The following MYO1E variants were observed in gnomAD, a reference collection of about 807,000 sequenced individuals.
MYO1E encodes the protein myosin IE.
MYO1E carries 68 observed loss-of-function variants against 151.1 expected under a neutral mutation model. That is an observed-to-expected ratio of 0.45 (90% confidence interval 0.37 to 0.55). The LOEUF (loss-of-function observed/expected upper bound fraction) is 0.55. MYO1E is among the 20% of genes least tolerant of loss of function. The pLI is 0.00. For synonymous variants in MYO1E, 601 were observed against 501.7 expected (o/e 1.20, Z -2.64); for missense variants, 1,363 against 1,389.3 (o/e 0.98, Z 0.30).
intron 26 of MYO1E, among the ~76,000 whole-genome samples, chr15:59,151,062 CACGT>C (rs1163965407): frequency 6.8e-4 from 95 of 140,720 alleles, no homozygotes; most frequent in African/African-American, 1.3e-3. Flanking sequence ...CGCGCGCGCG[CACGT>C]GCACTTAGAG....
At position 59,224,707 on chromosome 15, in the gene MYO1E, C is replaced by T. The variant is rs1262370396; in HGVS notation, c.759G>A (p.Arg253=). ...CACTTACCAGAGTTTCCTGAAACTC[C>T]CGCCTGTCGTCAATGTCATCAACCT... ...SYKVDDIDDR[R]EFQETLHAMN... is the part of the protein sequence containing the mutation. The change falls in exon 8 of 28, where the codon CGG becomes CGA. Residue 253 remains arginine (R), a synonymous_variant. Coordinates refer to ENST00000288235, the MANE Select transcript of MYO1E (RefSeq NM_004998.4). The T allele has an allele frequency of 4.3e-6, 7 of 1,613,300 alleles. No homozygotes were observed. Among genetic ancestry groups the T allele is most frequent in the Non-Finnish European group, 5.1e-6 (6 of 1,179,294 alleles).
chr15:59,276,503 C>A (rs1331727173), intron 1 of MYO1E, among the ~76,000 whole-genome samples: 7 of 152,186 alleles, frequency 4.6e-5, no homozygotes, highest in African/African-American at 1.7e-4. Flanking sequence ...ACACTTCCTA[C>A]AAATTATGAC....
rs1178895815 is a variant in MYO1E, at chr15:59,350,093, A to C, written c.3+22405T>G. Among the ~76,000 whole-genome samples the C allele has an allele frequency of 6.6e-6, 1 of 152,242 alleles. No individual in the cohort carries two copies. Among genetic ancestry groups the C allele is most frequent in the Non-Finnish European group, 1.5e-5 (1 of 68,040 alleles). On this transcript the variant is annotated intron_variant, in intron 1 of 27. Coordinates refer to ENST00000288235, the MANE Select transcript of MYO1E (RefSeq NM_004998.4). The surrounding 1 kb of genome is among the most constrained non-coding windows in gnomAD (Gnocchi z 5.0). The stretch of plus-strand genomic sequence containing the variant: ...TTTTATAATTTTCTTATTAATTGTC[A>C]ATACATCACCACTTGAATGAAAAGA...
chr15:59,372,594 T>G lies in MYO1E; in HGVS notation c.-94A>C. 6.8e-7 allele frequency: 1 copy of G among 1,478,808 alleles called. No individual in the cohort carries two copies. The highest frequency in any genetic ancestry group is 9.1e-7 in the Non-Finnish European group (1 of 1,101,998). 91.6% of individuals were successfully genotyped at this position (1,478,808 alleles called of 1,614,324 possible). On this transcript the variant is annotated 5_prime_UTR_variant, in exon 1 of 28. Transcript: ENST00000288235. ...TTCTGGGCGAACTTCAAAAGTTGGT[T>G]CCCCTCGCCAAAAACAGGCTCCCGA...
intron 2 of MYO1E, chr15:59,266,781 C>T (rs1268174322): frequency 4.7e-5 from 7 of 150,520 alleles, no homozygotes; most frequent in Non-Finnish European, 5.9e-5. Flanking sequence ...CCTGCCTCAG[C>T]CTGCGGAGTA....
chr15:59,260,265 G>C (rs2080217584), intron 3 of MYO1E, among the ~76,000 whole-genome samples: 1 of 152,360 alleles, frequency 6.6e-6, no homozygotes, highest in Admixed American at 6.5e-5. Flanking sequence ...CAGGGCACTA[G>C]GGCAGGGCCA....
intron 24 of MYO1E, 43 bp downstream of exon 24, chr15:59,161,030 G>A (rs375789983): frequency 1.2e-6 from 2 of 1,611,146 alleles, no homozygotes; most frequent in African/African-American, 1.3e-5. Context: ...GAGACTCGGG[G>A]GAGCGGCGGC....
chr15:59,224,922 T>A (rs1349821068), intron 7 of MYO1E, 99 bp from the exon 8 acceptor site: 18 of 1,524,820 alleles, frequency 1.2e-5, no homozygotes, highest in Non-Finnish European at 1.5e-5. Context: ...ACTTTCTATC[T>A]CTGCTTTCTA....
At chr15:59,171,772 T>A in intron 22 of MYO1E, 125 bp downstream of exon 22, 1 of 1,245,964 alleles carries the variant, frequency 8.0e-7, no homozygotes, top group Non-Finnish European at 1.2e-6. Flanking sequence ...GGAAATTCCA[T>A]TCTCTTGATC....
At chr15:59,302,758 T>C (rs185711572) in intron 1 of MYO1E, among the ~76,000 whole-genome samples, 60 of 134,740 alleles carry the variant, frequency 4.5e-4, no homozygotes, top group Middle Eastern at 7.1e-3. Flanking sequence ...TGTAAAGTAA[T>C]ACATTATAAA....
At chr15:59,306,416 G>A (rs571954442) in intron 1 of MYO1E, among the ~76,000 whole-genome samples, 14 of 152,252 alleles carry the variant, frequency 9.2e-5, no homozygotes, top group South Asian at 8.3e-4. Flanking sequence ...GATACTGAAC[G>A]AATATATGTT....
chr15:59,296,244 T>C (rs1193482144), intron 1 of MYO1E, among the ~76,000 whole-genome samples: 1 of 152,146 alleles, frequency 6.6e-6, no homozygotes, highest in Non-Finnish European at 1.5e-5. Flanking sequence ...CCCACAGCAA[T>C]TTCCCATTTT....
At chr15:59,208,541 T>A (rs2079855579) in intron 14 of MYO1E, 140 bp downstream of exon 14, 2 of 1,068,840 alleles carry the variant, frequency 1.9e-6, no homozygotes, top group African/African-American at 1.6e-5. Context: ...AATCTTTTGT[T>A]TTGCTTCCTT....
At chr15:59,170,229 C>T (rs1412899998) in intron 22 of MYO1E, among the ~76,000 whole-genome samples, 1 of 152,136 alleles carries the variant, frequency 6.6e-6, no homozygotes, top group Non-Finnish European at 1.5e-5. Context: ...ATTTATGGTC[C>T]CAGTCATGAG....
chr15:59,166,645 T>C (rs1450983271), intron 22 of MYO1E, among the ~76,000 whole-genome samples: 4 of 152,070 alleles, frequency 2.6e-5, no homozygotes, highest in African/African-American at 9.7e-5. Context: ...ATGAAATATA[T>C]GCTGCTTTTA....
In MYO1E at chr15:59,137,330, T is replaced by G. The variant is rs2079379057; in HGVS notation, c.*50A>C. On this transcript the variant is annotated 3_prime_UTR_variant, in exon 28 of 28. Transcript: ENST00000288235. ...GGGAGCCCCTAAATATCCCCTCCCCTGGTCTGTGCCTGGAGCTCCTCTGCC... is the reference window on the plus strand; with the variant it reads ...GGGAGCCCCTAAATATCCCCTCCCCGGGTCTGTGCCTGGAGCTCCTCTGCC... The G allele has an allele frequency of 1.3e-6, 2 of 1,521,946 alleles. No homozygotes were observed. The highest frequency in any genetic ancestry group is 9.1e-7 in the Non-Finnish European group (1 of 1,096,514). The allele number at this position is 1,521,946 out of a possible 1,614,324, so 94.3% of individuals were successfully genotyped here.
chr15:59,173,997 A>G, intron 20 of MYO1E, 82 bp from the exon 21 acceptor site: 2 of 1,542,144 alleles, frequency 1.3e-6, no homozygotes, highest in Non-Finnish European at 1.8e-6. Flanking sequence ...ATATACAAAG[A>G]AACTCTAAAT....
In MYO1E at chr15:59,208,539, G is replaced by C. The variant is rs111497945; in HGVS notation, c.1530+142C>G. On this transcript the variant is annotated intron_variant, in intron 14 of 27. Coordinates refer to ENST00000288235, the MANE Select transcript of MYO1E (RefSeq NM_004998.4). Reference sequence around the variant, plus strand: ...AATGCAGTAGTATATACAATCTTTTGTTTTGCTTCCTTTGATAGTTAATAA... The same window carrying C: ...AATGCAGTAGTATATACAATCTTTTCTTTTGCTTCCTTTGATAGTTAATAA... 706 of 1,050,188 alleles carry C rather than the reference G, an allele frequency of 6.7e-4. 4 individuals carry two copies. The African/African-American group carries it at 8.8e-3, about 13-fold the overall frequency. 65.1% of individuals were successfully genotyped at this position (1,050,188 alleles called of 1,614,324 possible). A position where few individuals can be genotyped will look rare whatever the true frequency, so the allele number is the denominator to read the frequency against.
At chr15:59,208,537 T>G in intron 14 of MYO1E, 144 bp downstream of exon 14, 1 of 1,024,604 alleles carries the variant, frequency 9.8e-7, no homozygotes, top group Non-Finnish European at 1.5e-6. Flanking sequence ...ATACAATCTT[T>G]TGTTTTGCTT....
Sources: gnomAD v4.1 joint callset for allele counts (sites outside exome capture counted in the v4.1 genomes callset) on GRCh38, gnomAD v4.1.1 for gene constraint, Gnocchi (gnomAD v3.1) non-coding constraint, MANE v1.5 for transcripts, NCBI Gene and HGNC (gene_info 2026-07-23, HGNC 2026-07-21) for gene names.